Variants in ARK2C observed in about 807,000 individuals in gnomAD.
ARK2C encodes the protein E3 ubiquitin-protein ligase ARK2C.
At chr18:46,428,269 T>C in the ARK2C span, among the ~76,000 whole-genome samples, 14 of 151,916 alleles carry the variant, frequency 9.2e-5, 1 homozygote, top group South Asian at 1.5e-3. Flanking sequence ...ATTAGCTGGG[T>C]GTGGTGGCAG....
chr18:46,353,840 T>G, the ARK2C span, among the ~76,000 whole-genome samples: 649 of 152,256 alleles, frequency 4.3e-3, 9 homozygotes, highest in African/African-American at 0.015. Flanking sequence ...AGTTGGGAGA[T>G]GGAGTAGCGG....
At chr18:46,415,252 G>T in the ARK2C span, among the ~76,000 whole-genome samples, 1 of 152,338 alleles carries the variant, frequency 6.6e-6, no homozygotes, top group Non-Finnish European at 1.5e-5. Flanking sequence ...GAGGCACAGT[G>T]GTTCACACCT....
the ARK2C span, among the ~76,000 whole-genome samples, chr18:46,344,321 G>A: frequency 6.6e-6 from 1 of 152,102 alleles, no homozygotes; most frequent in Non-Finnish European, 1.5e-5. Context: ...CTGAGTGGGA[G>A]GGAAGGGGTG....
the ARK2C span, among the ~76,000 whole-genome samples, chr18:46,398,087 G>T: frequency 4.8e-5 from 7 of 145,474 alleles, no homozygotes; most frequent in East Asian, 1.5e-3. Flanking sequence ...GACGTGTGAG[G>T]GTGTGTGCGC....
At chr18:46,396,832 T>C in the ARK2C span, among the ~76,000 whole-genome samples, 18 of 152,350 alleles carry the variant, frequency 1.2e-4, no homozygotes, top group East Asian at 3.3e-3. Context: ...GGGCCCTGTC[T>C]CTGGAAACTC....
the ARK2C span, among the ~76,000 whole-genome samples, chr18:46,369,943 A>T: frequency 5.3e-5 from 8 of 151,194 alleles, no homozygotes; most frequent in Admixed American, 3.3e-4. Flanking sequence ...CTCCACACAC[A>T]CACACGCACA....
the ARK2C span, among the ~76,000 whole-genome samples, chr18:46,441,886 C>T: frequency 7.5e-5 from 10 of 133,216 alleles, no homozygotes; most frequent in South Asian, 2.4e-4. Context: ...AAAAAGAGGC[C>T]GGGCGCGGTG....
At chr18:46,404,998 A>G in the ARK2C span, among the ~76,000 whole-genome samples, 3 of 152,126 alleles carry the variant, frequency 2.0e-5, no homozygotes, top group Non-Finnish European at 4.4e-5. Context: ...TGTTGTTTCC[A>G]CTGGACCACA....
At chr18:46,444,142 A>G in the ARK2C span, among the ~76,000 whole-genome samples, 1 of 151,666 alleles carries the variant, frequency 6.6e-6, no homozygotes, top group East Asian at 1.9e-4. Flanking sequence ...ACATTCTTCT[A>G]TGTTGAATGG....
At chr18:46,405,617 G>T in the ARK2C span, among the ~76,000 whole-genome samples, 1 of 152,164 alleles carries the variant, frequency 6.6e-6, no homozygotes, top group Non-Finnish European at 1.5e-5. Flanking sequence ...TGCTGACCTG[G>T]GCCCCTGGGG....
chr18:46,371,813 G>A, the ARK2C span, among the ~76,000 whole-genome samples: 1 of 152,252 alleles, frequency 6.6e-6, no homozygotes. Context: ...AAAGTGGCAG[G>A]TGGAATTTAC....
chr18:46,429,899 G>C, the ARK2C span, among the ~76,000 whole-genome samples: 1 of 152,042 alleles, frequency 6.6e-6, no homozygotes. Flanking sequence ...TTATGGATGT[G>C]AGCCACTGTG....
chr18:46,366,969 GT>G, the ARK2C span, among the ~76,000 whole-genome samples: 1 of 152,154 alleles, frequency 6.6e-6, no homozygotes, highest in African/African-American at 2.4e-5. Flanking sequence ...CAGTCATCCC[GT>G]TGGACTTCTG....
the ARK2C span, among the ~76,000 whole-genome samples, chr18:46,400,938 T>A: frequency 6.6e-6 from 1 of 151,870 alleles, no homozygotes; most frequent in East Asian, 1.9e-4. Flanking sequence ...CAGGTGGAAG[T>A]GGTGGGAGAT....
chr18:46,390,337 G>T, the ARK2C span, among the ~76,000 whole-genome samples: 5 of 152,202 alleles, frequency 3.3e-5, no homozygotes, highest in African/African-American at 9.7e-5. Context: ...CTGCCCGCTG[G>T]GTGTTGGTGC....
At chr18:46,346,933 T>A in the ARK2C span, among the ~76,000 whole-genome samples, 1 of 152,226 alleles carries the variant, frequency 6.6e-6, no homozygotes, top group Admixed American at 6.5e-5. Flanking sequence ...GCCTGTGACC[T>A]GTAGCCTAAC....
the ARK2C span, chr18:46,336,614 C>T: frequency 1.0e-6 from 1 of 985,452 alleles, no homozygotes; most frequent in Non-Finnish European, 1.2e-6. Context: ...CAGCTTAAAT[C>T]TGTTCTTTTT....
chr18:46,370,608 G>A, the ARK2C span, among the ~76,000 whole-genome samples: 30 of 152,298 alleles, frequency 2.0e-4, no homozygotes, highest in Admixed American at 1.8e-3. Context: ...CCCTTCTCAC[G>A]TCTGATCTTA....
chr18:46,363,495 C>T, the ARK2C span, among the ~76,000 whole-genome samples: 2 of 152,326 alleles, frequency 1.3e-5, no homozygotes, highest in South Asian at 2.1e-4. Flanking sequence ...GGCTCTTTCA[C>T]TTGAGACATC....
Sources: gnomAD v4.1 joint callset for allele counts (sites outside exome capture counted in the v4.1 genomes callset) on GRCh38, gnomAD v4.1.1 for gene constraint, MANE v1.5 for transcripts, NCBI Gene and HGNC (gene_info 2026-07-23, HGNC 2026-07-21) for gene names.